The following GPR155 variants were observed in gnomAD, a reference collection of about 807,000 sequenced individuals.
GPR155 encodes the protein G protein-coupled receptor 155, also known as lysosomal cholesterol signaling protein.
Under a neutral mutation model 93.1 loss-of-function variants are expected in GPR155, and 65 were observed. The ratio of observed to expected loss-of-function variants is 0.70; its 90% CI spans 0.57 to 0.86. The LOEUF is 0.86. Ranked by LOEUF, GPR155 falls within the 40% of genes least tolerant of loss-of-function variation. The pLI, the probability that GPR155 is intolerant of heterozygous loss-of-function variation, is 0.00. For synonymous variants in GPR155, 319 were observed against 360.1 expected (o/e 0.89, Z 1.29); for missense variants, 838 against 1,034.8 (o/e 0.81, Z 2.61).
In GPR155 at chr2:174,461,589, C is replaced by G. The variant is rs774390898; in HGVS notation, c.1468G>C (p.Gly490Arg). ...GCAAACAGAGAACTACCAACTTACC[C>G]CCAGCCAGATATTATGATTATTCCA... is the stretch of plus-strand genomic sequence containing the variant. ...PVGIIIISGW[G>R]IPALLVGVLL... Residue 490 changes from glycine to arginine, a missense_variant and splice_region_variant, in exon 8 of 16, where the codon GGA becomes CGA. By Grantham distance (125) the Gly-to-Arg change is moderately radical. Coordinates refer to ENST00000392552, the MANE Select transcript of GPR155 (RefSeq NM_152529.7). The G allele has an allele frequency of 6.2e-7, 1 of 1,603,970 alleles. No homozygotes were observed. Among genetic ancestry groups the G allele is most frequent in the East Asian group, 2.2e-5 (1 of 44,750 alleles).
intron 10 of GPR155, among the ~76,000 whole-genome samples, chr2:174,456,105 G>T (rs1251486983): frequency 6.6e-6 from 1 of 152,072 alleles, no homozygotes; most frequent in Non-Finnish European, 1.5e-5. Flanking sequence ...GCTTCCCAAA[G>T]TTCTGGGATT....
chr2:174,471,352 G>A (rs1687991410), intron 3 of GPR155, among the ~76,000 whole-genome samples: 1 of 138,548 alleles, frequency 7.2e-6, no homozygotes, highest in Non-Finnish European at 1.5e-5. Context: ...GATCATGCCA[G>A]CCATTGTACT....
intron 11 of GPR155, among the ~76,000 whole-genome samples, chr2:174,451,364 ATCT>A (rs1226660087): frequency 7.8e-4 from 119 of 152,270 alleles, no homozygotes; most frequent in African/African-American, 2.7e-3. Context: ...ATAAAAATAA[ATCT>A]TCTTTCATTT....
chr2:174,457,894 G>A (rs894735706), intron 10 of GPR155, among the ~76,000 whole-genome samples: 1 of 152,022 alleles, frequency 6.6e-6, no homozygotes, highest in African/African-American at 2.4e-5. Context: ...AGGACTACAG[G>A]TGTGTACCAC....
At chr2:174,448,395 A>C (rs185861549) in intron 11 of GPR155, among the ~76,000 whole-genome samples, 76 of 152,350 alleles carry the variant, frequency 5.0e-4, no homozygotes, top group African/African-American at 1.6e-3. Context: ...AATGCCTCAA[A>C]CTATAAGAAT....
chr2:174,448,323 C>T (rs1240353035), intron 11 of GPR155, among the ~76,000 whole-genome samples: 1 of 152,002 alleles, frequency 6.6e-6, no homozygotes, highest in East Asian at 1.9e-4. Flanking sequence ...TACAGTGAGC[C>T]AACATCGTGC....
chr2:174,458,489 T>C (rs1687586598), intron 10 of GPR155, among the ~76,000 whole-genome samples: 1 of 152,230 alleles, frequency 6.6e-6, no homozygotes, highest in African/African-American at 2.4e-5. Flanking sequence ...ACTAGATTTC[T>C]GGAAGTTGTT....
At chr2:174,439,346 T>A (rs1686886178) in intron 15 of GPR155, among the ~76,000 whole-genome samples, 1 of 152,086 alleles carries the variant, frequency 6.6e-6, no homozygotes, top group Non-Finnish European at 1.5e-5. Context: ...ATAAAAAAAT[T>A]TTTTTCCTCA....
At chr2:174,443,835 GACATAA>G (rs1386500269) in intron 13 of GPR155, among the ~76,000 whole-genome samples, 6 of 152,076 alleles carry the variant, frequency 3.9e-5, no homozygotes, top group African/African-American at 1.4e-4. Flanking sequence ...TTTTAATAGT[GACATAA>G]ACATAGACAA....
intron 15 of GPR155, among the ~76,000 whole-genome samples, chr2:174,439,434 G>T (rs1686888526): frequency 6.6e-6 from 1 of 152,104 alleles, no homozygotes; most frequent in Non-Finnish European, 1.5e-5. Context: ...ACAGACTAAA[G>T]ATTAGAACTT....
At chr2:174,455,196 TAACAAC>T (rs71405953) in intron 10 of GPR155, among the ~76,000 whole-genome samples, 5 of 151,398 alleles carry the variant, frequency 3.3e-5, no homozygotes, top group African/African-American at 9.7e-5. Flanking sequence ...AAAATAAAAA[TAACAAC>T]AACAACAACA....
intron 7 of GPR155, 57 bp from the exon 8 acceptor site, chr2:174,461,729 A>C: frequency 1.0e-6 from 1 of 987,684 alleles, no homozygotes. Flanking sequence ...AGACTTTATG[A>C]AACTTTATTT....
chr2:174,473,079 C>A lies in GPR155; in HGVS notation c.746G>T (p.Gly249Val). 6.2e-7 allele frequency: 1 copy of A among 1,600,748 alleles called. No individual in the cohort carries two copies. The highest frequency in any genetic ancestry group is 8.5e-7 in the Non-Finnish European group (1 of 1,177,062). ...VYVENFLDGL[G>V]NSFSGSALFY... ...TAGGGCTGATCCAGAAAAAGAATTT[C>A]CAAGTCCATCAAGAAAATTTTCGAC... The change falls in exon 3 of 16, where the codon GGA becomes GTA. Residue 249 changes from glycine to valine, a missense_variant. Gly to Val is a moderately radical substitution (Grantham distance 109, BLOSUM62 -3). Coordinates refer to ENST00000392552, the MANE Select transcript of GPR155 (RefSeq NM_152529.7).
chr2:174,448,434 C>G (rs1430186653), intron 11 of GPR155, among the ~76,000 whole-genome samples: 5 of 151,858 alleles, frequency 3.3e-5, no homozygotes, highest in Admixed American at 1.3e-4. Context: ...AAACACCATT[C>G]TGGACATCGA....
chr2:174,475,832 TTA>T (rs1365232169), intron 2 of GPR155, among the ~76,000 whole-genome samples: 4 of 152,326 alleles, frequency 2.6e-5, no homozygotes, highest in East Asian at 1.9e-4. Context: ...TCGAAAAGTC[TTA>T]TGTTTTCATC....
In GPR155 at chr2:174,432,700, G is replaced by A. The variant is rs527983495; in HGVS notation, c.*3416C>T. 8.0e-5 allele frequency: 12 copies of A among 150,660 alleles called. No individual in the cohort carries two copies. Among genetic ancestry groups the A allele is most frequent in the African/African-American group, 2.4e-4 (10 of 41,042 alleles). The allele number at this position is 150,660 out of a possible 1,614,324, so 9.3% of individuals were successfully genotyped here. ...TAATCACAACTTAAAATTGGTATAGGTTAATAGTACACTAAAGTATAATTT... is the reference window on the plus strand; with the variant it reads ...TAATCACAACTTAAAATTGGTATAGATTAATAGTACACTAAAGTATAATTT... On this transcript the variant is annotated 3_prime_UTR_variant, in exon 16 of 16. Transcript: ENST00000392552.
chr2:174,483,106 G>A (rs891983104), intron 1 of GPR155: 5 of 152,142 alleles, frequency 3.3e-5, no homozygotes, highest in Non-Finnish European at 7.3e-5. Flanking sequence ...CACGGAAGCA[G>A]GGACTATGCA....
rs541005153 is a variant in GPR155, at chr2:174,475,362, T to C, written c.461-1998A>G. ...CAATTTACACTAAGATAAAATGATA[T>C]AGGTAGGAAAATACACTTGTTTACT... On this transcript the variant is annotated intron_variant, in intron 2 of 15. Transcript: ENST00000392552. Among the ~76,000 whole-genome samples the C allele has an allele frequency of 2.1e-5, 3 of 141,084 alleles. No homozygotes were observed. In the East Asian group the frequency reaches 6.4e-4, roughly 30 times the overall value. 92.6% of individuals were successfully genotyped at this position (141,084 alleles called of 152,430 possible).
At chr2:174,440,964 C>T (rs1376706996) in intron 14 of GPR155, among the ~76,000 whole-genome samples, 1 of 152,092 alleles carries the variant, frequency 6.6e-6, no homozygotes, top group African/African-American at 2.4e-5. Flanking sequence ...AAATATAGAC[C>T]ATAGGGGCAC....
Sources: gnomAD v4.1 joint callset for allele counts (sites outside exome capture counted in the v4.1 genomes callset) on GRCh38, gnomAD v4.1.1 for gene constraint, MANE v1.5 for transcripts, NCBI Gene and HGNC (gene_info 2026-07-23, HGNC 2026-07-21) for gene names.